The following BRI3 variants were observed in gnomAD, a reference collection of about 807,000 sequenced individuals.
BRI3 encodes the protein brain protein I3.
BRI3 carries 6 observed loss-of-function variants against 12.8 expected under a neutral mutation model. The ratio of observed to expected loss-of-function variants is 0.47; its 90% confidence interval spans 0.26 to 0.93. The LOEUF is 0.93. Among genes scored for constraint, BRI3 ranks in the 40% least tolerant of loss-of-function variants. The pLI, the probability that BRI3 is intolerant of heterozygous loss-of-function variation, is 0.15. For missense variants in BRI3, 134 were observed against 171.1 expected (o/e 0.78, Z 1.21); for synonymous variants, 91 against 76.1 (o/e 1.20, Z -1.02).
downstream of BRI3, chr7:98,292,720 C>A: frequency 1.9e-6 from 3 of 1,551,580 alleles, no homozygotes; most frequent in Non-Finnish European, 1.7e-6. Flanking sequence ...GGACCCCGAG[C>A]AGTTTGAGTG....
At chr7:98,293,886 A>G (rs10953255), downstream of BRI3, among the ~76,000 whole-genome samples, 61,236 of 152,140 alleles carry the variant, frequency 0.4, 13,444 homozygotes, top group Middle Eastern at 0.54. Context: ...GGGGTGGGGA[A>G]GCCCTGCTCC....
At chr7:98,318,346 C>A in the BRI3 span, among the ~76,000 whole-genome samples, 1 of 152,086 alleles carries the variant, frequency 6.6e-6, no homozygotes, top group Non-Finnish European at 1.5e-5. Flanking sequence ...GTGGTTGCAG[C>A]AAGCTGAGAT....
At position 98,307,554 on chromosome 7, in the gene BRI3, A is replaced by G. The variant is rs537246653; in HGVS notation, n.184A>G. ...GCCTGGGATCGAATAACTTCAGTTAACTAAACTAGAACTAAACCATAAACT... is the reference window on the plus strand; with the variant it reads ...GCCTGGGATCGAATAACTTCAGTTAGCTAAACTAGAACTAAACCATAAACT... On this transcript the variant is annotated non_coding_transcript_exon_variant, in exon 2 of 2. Transcript: ENST00000485422. The G allele has an allele frequency of 3.8e-5, 56 of 1,469,134 alleles. No individual in the cohort carries two copies. In the South Asian group the frequency reaches 5.8e-4, roughly 15 times the overall value. 91.0% of individuals were successfully genotyped at this position (1,469,134 alleles called of 1,614,324 possible).
chr7:98,316,987 C>T, the BRI3 span, among the ~76,000 whole-genome samples: 2 of 151,736 alleles, frequency 1.3e-5, no homozygotes, highest in Admixed American at 6.6e-5. Context: ...CCTCAGCCTC[C>T]GAGTAGCTGT....
chr7:98,308,895 T>C (rs1800768154), exon 2 of BRI3: 1 of 152,414 alleles, frequency 6.6e-6, no homozygotes, highest in Non-Finnish European at 1.5e-5. Context: ...CCCAGCCTGG[T>C]CTTGACCTCC....
At chr7:98,304,147 G>A (rs199713112), upstream of BRI3, 35 of 1,491,122 alleles carry the variant, frequency 2.3e-5, no homozygotes, top group East Asian at 3.7e-4. Context: ...CCTCCCAGTC[G>A]GGGATGGCGA....
downstream of BRI3, among the ~76,000 whole-genome samples, chr7:98,293,874 CTG>C (rs896828159): frequency 7.9e-5 from 12 of 152,180 alleles, no homozygotes; most frequent in Non-Finnish European, 1.3e-4. Flanking sequence ...GGGGGTCACT[CTG>C]GGGTGGGGAA....
chr7:98,306,789 C>A (rs1800675242), intron 1 of BRI3: 2 of 436,706 alleles, frequency 4.6e-6, no homozygotes, highest in East Asian at 4.9e-5. Context: ...CTCACAGCAG[C>A]CTCGAACTCA....
chr7:98,292,717 G>A (rs568371199), downstream of BRI3: 656 of 1,551,584 alleles, frequency 4.2e-4, 8 homozygotes, highest in South Asian at 6.5e-3. Context: ...CCAGGACCCC[G>A]AGCAGTTTGA....
At chr7:98,303,226 C>T (rs962107221), upstream of BRI3, among the ~76,000 whole-genome samples, 8 of 152,206 alleles carry the variant, frequency 5.3e-5, no homozygotes, top group African/African-American at 1.9e-4. Context: ...ATCTTAGAAG[C>T]ACATCCGTTT....
chr7:98,296,261 C>T (rs1424867787), downstream of BRI3, among the ~76,000 whole-genome samples: 2 of 152,348 alleles, frequency 1.3e-5, no homozygotes, highest in South Asian at 2.1e-4. Context: ...GCTGGGTATA[C>T]GGAGTCACAT....
upstream of BRI3, among the ~76,000 whole-genome samples, chr7:98,305,593 TA>T (rs1227804124): frequency 2.6e-5 from 4 of 152,170 alleles, no homozygotes; most frequent in Admixed American, 1.3e-4. Flanking sequence ...GCTAATTGTT[TA>T]TTTTTTTTGT....
downstream of BRI3, chr7:98,293,732 C>T (rs751319690): frequency 1.0e-4 from 84 of 806,686 alleles, no homozygotes; most frequent in Non-Finnish European, 1.2e-4. Context: ...GTCCCAGCAG[C>T]GTTTTCTGAG....
chr7:98,303,512 T>C (rs1490229507), upstream of BRI3, among the ~76,000 whole-genome samples: 5 of 152,168 alleles, frequency 3.3e-5, no homozygotes, highest in Non-Finnish European at 2.9e-5. Context: ...GCTTCTAGTG[T>C]CAGTGTTTTT....
chr7:98,310,258 C>A (rs74724405), exon 2 of BRI3: 6 of 556,980 alleles, frequency 1.1e-5, no homozygotes, highest in Middle Eastern at 4.6e-4. Context: ...CTTATCAGAG[C>A]GTCTCACAGT....
chr7:98,317,447 T>C, the BRI3 span: 1 of 1,505,996 alleles, frequency 6.6e-7, no homozygotes, highest in Admixed American at 1.8e-5. Context: ...TGTGTGTGGC[T>C]CAACGGGGCC....
chr7:98,304,403 T>A, upstream of BRI3: 3 of 1,610,804 alleles, frequency 1.9e-6, no homozygotes, highest in Non-Finnish European at 2.5e-6. Flanking sequence ...ACACAGCACG[T>A]GTTAGATAAT....
the BRI3 span, among the ~76,000 whole-genome samples, chr7:98,318,579 A>AAC: frequency 1.3e-5 from 2 of 151,168 alleles, no homozygotes; most frequent in Non-Finnish European, 2.9e-5. Flanking sequence ...ACGCCCAGTG[A>AAC]ACACAGGGTC....
exon 2 of BRI3, chr7:98,308,151 C>T (rs777381442): frequency 7.8e-5 from 49 of 624,338 alleles, no homozygotes; most frequent in Non-Finnish European, 1.4e-4. Context: ...GGCTCTTTTC[C>T]AGGCCCAAGG....
Sources: allele counts gnomAD v4.1 joint callset (sites outside exome capture counted in the v4.1 genomes callset), GRCh38; gene constraint gnomAD v4.1.1; transcripts MANE v1.5; gene names NCBI Gene and HGNC (gene_info 2026-07-23, HGNC 2026-07-21).